FCRL2: variants seen among roughly 807,000 people sequenced by gnomAD.
The protein encoded by FCRL2 is Fc receptor-like protein 2.
Under a neutral mutation model 59.8 loss-of-function variants are expected in FCRL2, and 48 were observed. That is an observed-to-expected ratio of 0.80 (90% CI 0.64 to 1.02). The LOEUF (loss-of-function observed/expected upper bound fraction) is 1.02, where lower values mean the gene tolerates loss of function less well. Ranked by LOEUF, FCRL2 falls within the 50% of genes least tolerant of loss-of-function variation. The pLI is 0.00. For synonymous variants in FCRL2, 251 were observed against 229.5 expected, an observed-to-expected ratio of 1.09 and a Z score of -0.85; for missense variants, 658 against 597.3, an observed-to-expected ratio of 1.10 and a Z score of -1.06.
intron 6 of FCRL2, 25 bp from the exon 7 acceptor site, chr1:157,766,996 G>T (rs755193542): frequency 1.0e-5 from 16 of 1,594,192 alleles, no homozygotes; most frequent in Non-Finnish European, 1.4e-5. Flanking sequence ...CAGTGCTTCA[G>T]CCCCAGAGGT....
chr1:157,775,274 C>T (rs1448072686), intron 2 of FCRL2, among the ~76,000 whole-genome samples: 2 of 152,176 alleles, frequency 1.3e-5, no homozygotes. Context: ...AAAGCTTAGC[C>T]TATTTACTCT....
rs756890419 is a variant in FCRL2 at position 157,770,604 on chromosome 1, G to C, written c.115C>G (p.Gln39Glu). The C allele has an allele frequency of 6.2e-7, 1 of 1,614,140 alleles. No homozygotes were observed. The highest frequency in any genetic ancestry group is 1.3e-5 in the African/African-American group (1 of 75,032). ...FEGDSIVLKC[Q>E]GEQNWKIQKM... ...TGAATTTTCCAGTTCTGTTCTCCCTGGCATTTCAGAACGATGCTGTCTCCT... is the reference window on the plus strand; with the variant it reads ...TGAATTTTCCAGTTCTGTTCTCCCTCGCATTTCAGAACGATGCTGTCTCCT... The change falls in exon 3 of 12, where the codon CAG (glutamine) becomes GAG (glutamate). Residue 39 changes from glutamine (Q) to glutamate (E), a missense_variant. By Grantham distance (29) the Gln-to-Glu change is conservative (BLOSUM62 2). Transcript: ENST00000361516.
chr1:157,746,462 C>A lies in FCRL2; in HGVS notation c.*274G>T. 1.9e-6 allele frequency: 1 copy of A among 517,362 alleles called. No individual in the cohort carries two copies. The highest frequency in any genetic ancestry group is 3.5e-6 in the Non-Finnish European group (1 of 287,928). 32.0% of individuals were successfully genotyped at this position (517,362 alleles called of 1,614,324 possible). A position where few individuals can be genotyped will look rare whatever the true frequency, so the allele number is the denominator to read the frequency against. On this transcript the variant is annotated 3_prime_UTR_variant, in exon 12 of 12. Transcript: ENST00000361516. Reference sequence around the variant, plus strand: ...CCTTGTATCTCTTATTCATTCTTCCCTCAAATCTTTACACACTGATTGCTT... The same window carrying A: ...CCTTGTATCTCTTATTCATTCTTCCATCAAATCTTTACACACTGATTGCTT...
chr1:157,770,050 C>T lies in FCRL2; in HGVS notation c.411G>A (p.Leu137=). The change falls in exon 4 of 12, where the codon TTG becomes TTA. Residue 137 remains leucine, a synonymous_variant. Coordinates refer to ENST00000361516, the MANE Select transcript of FCRL2 (RefSeq NM_030764.4). The stretch of plus-strand genomic sequence containing the variant: ...AGAAGCAGAACTGGAGTTGAACATC[C>T]AACCTCTGTGGAGAGAGCCGGGTCT... ...KCETRLSPQR[L]DVQLQFCFFR... 1 of 1,614,170 alleles carries T rather than the reference C, an allele frequency of 6.2e-7. No homozygotes were observed. The highest frequency in any genetic ancestry group is 8.5e-7 in the Non-Finnish European group (1 of 1,180,012).
intron 4 of FCRL2, 70 bp downstream of exon 4, chr1:157,769,796 C>T: frequency 6.6e-7 from 1 of 1,522,820 alleles, no homozygotes; most frequent in South Asian, 1.2e-5. Context: ...AAGAAACAGA[C>T]TAGTAGTCCA....
intron 1 of FCRL2, 53 bp from the exon 2 acceptor site, chr1:157,775,848 T>G: frequency 6.3e-7 from 1 of 1,586,542 alleles, no homozygotes; most frequent in Non-Finnish European, 8.6e-7. Flanking sequence ...CCCTCATAAT[T>G]TATAAATTTA....
chr1:157,770,445 C>T lies in FCRL2; in HGVS notation c.274G>A (p.Asp92Asn). Residue 92 changes from aspartate (D) to asparagine (N), a missense_variant, in exon 3 of 12, where the codon GAT becomes AAT. Physicochemically the swap from Asp to Asn is conservative, Grantham distance 23. Transcript: ENST00000361516. ...ATCTTTACTATATTTGAAGTTTTAT[C>T]CCAGAGAAAGAGTTGTCCTTTGGTA... ...CSTKGQLFLWDKTSNIVKIKV... is the reference protein window; with the variant it reads ...CSTKGQLFLWNKTSNIVKIKV... The T allele has an allele frequency of 1.2e-6, 2 of 1,613,968 alleles. No homozygotes were observed. The highest frequency in any genetic ancestry group is 2.2e-5 in the South Asian group (2 of 91,062).
At chr1:157,748,465 TAAA>T in intron 10 of FCRL2, 85 bp downstream of exon 10, 1 of 580,726 alleles carries the variant, frequency 1.7e-6, no homozygotes, top group Admixed American at 3.2e-5. Flanking sequence ...AATAAATAAA[TAAA>T]TAAATAAATA....
At chr1:157,750,946 A>T (rs1469069404) in intron 7 of FCRL2, among the ~76,000 whole-genome samples, 1 of 152,244 alleles carries the variant, frequency 6.6e-6, no homozygotes, top group African/African-American at 2.4e-5. Context: ...GACATGGTAC[A>T]AATAATATTC....
chr1:157,766,232 G>A (rs974321318), intron 7 of FCRL2, among the ~76,000 whole-genome samples: 3 of 152,224 alleles, frequency 2.0e-5, no homozygotes, highest in African/African-American at 4.8e-5. Context: ...AGCACTTTGG[G>A]AGGCCAAGAT....
chr1:157,767,805 A>C (rs966578673), intron 5 of FCRL2: 3 of 923,404 alleles, frequency 3.2e-6, no homozygotes, highest in Non-Finnish European at 4.5e-6. Context: ...GTATCCTATA[A>C]TTTTTTATTA....
At chr1:157,769,688 A>G in intron 4 of FCRL2, 178 bp downstream of exon 4, 1 of 605,286 alleles carries the variant, frequency 1.7e-6, no homozygotes, top group South Asian at 2.0e-5. Flanking sequence ...CAGCCTCCCA[A>G]AGTGCTGGGA....
intron 7 of FCRL2, among the ~76,000 whole-genome samples, chr1:157,763,068 A>G (rs1376667721): frequency 6.6e-6 from 1 of 152,204 alleles, no homozygotes; most frequent in African/African-American, 2.4e-5. Flanking sequence ...AGCATTGCAA[A>G]CCACTTAAAT....
At chr1:157,759,033 T>A (rs1382453382) in intron 7 of FCRL2, among the ~76,000 whole-genome samples, 1 of 152,184 alleles carries the variant, frequency 6.6e-6, no homozygotes, top group Non-Finnish European at 1.5e-5. Flanking sequence ...GTTCCCATAA[T>A]CTCAATGTGT....
intron 7 of FCRL2, among the ~76,000 whole-genome samples, chr1:157,752,339 C>T (rs1648256173): frequency 6.6e-6 from 1 of 152,216 alleles, no homozygotes; most frequent in South Asian, 2.1e-4. Context: ...CCTGCACAAG[C>T]TTATCTCTTT....
chr1:157,769,647 T>C (rs1011280793), intron 4 of FCRL2: 3 of 468,770 alleles, frequency 6.4e-6, no homozygotes, highest in African/African-American at 5.9e-5. Context: ...CAGGATGGTC[T>C]CTATCTCCTG....
At position 157,777,077 on chromosome 1, in the gene FCRL2, G is replaced by T; in HGVS notation, c.-4C>A. ...CCAGCAATGACCACAGCAGCATGAG[G>T]ACCTAATCCAGCTATTTGAAAAGAG... On this transcript the variant is annotated 5_prime_UTR_variant, in exon 1 of 12. Coordinates refer to ENST00000361516, the MANE Select transcript of FCRL2 (RefSeq NM_030764.4). 6.2e-7 allele frequency: 1 copy of T among 1,614,144 alleles called. No homozygotes were observed. Among genetic ancestry groups the T allele is most frequent in the Non-Finnish European group, 8.5e-7 (1 of 1,180,012 alleles).
At chr1:157,767,023 T>C (rs1426958171) in intron 6 of FCRL2, 52 bp from the exon 7 acceptor site, 2 of 1,497,426 alleles carry the variant, frequency 1.3e-6, no homozygotes, top group Non-Finnish European at 1.8e-6. Flanking sequence ...CTTGGGCCCT[T>C]CTTATAAATG....
At chr1:157,775,852 A>T in intron 1 of FCRL2, 57 bp from the exon 2 acceptor site, 1 of 1,582,988 alleles carries the variant, frequency 6.3e-7, no homozygotes, top group Non-Finnish European at 8.6e-7. Flanking sequence ...CATAATTTAT[A>T]AATTTATATT....
Sources: gnomAD v4.1 joint callset for allele counts (sites outside exome capture counted in the v4.1 genomes callset) on GRCh38, gnomAD v4.1.1 for gene constraint, MANE v1.5 for transcripts, NCBI Gene and HGNC (gene_info 2026-07-23, HGNC 2026-07-21) for gene names.